The following GSE1 variants were observed in gnomAD, a reference collection of about 807,000 sequenced individuals.
GSE1 encodes Gse1 coiled-coil protein.
GSE1 carries 32 observed loss-of-function variants against 112.6 expected under a neutral mutation model. That is an observed-to-expected ratio of 0.28 (90% CI 0.21 to 0.38). The LOEUF (loss-of-function observed/expected upper bound fraction) is 0.38, where lower values mean the gene tolerates loss of function less well. Among genes scored for constraint, GSE1 ranks in the 10% least tolerant of loss-of-function variants. The probability of loss-of-function intolerance (pLI) is 1.00; values close to 1 mark genes in which losing one functional copy is unlikely to be tolerated. For missense variants in GSE1, 2,348 were observed against 1,699.2 expected (o/e 1.38, Z -6.71); for synonymous variants, 1,115 against 735.6 (o/e 1.52, Z -8.35).
chr16:85,528,388 T>G (rs2151175549), intron 2 of GSE1, among the ~76,000 whole-genome samples: 1 of 152,238 alleles, frequency 6.6e-6, no homozygotes, highest in Middle Eastern at 3.4e-3. Flanking sequence ...CCTAGCTCAC[T>G]AAAGCTTCAA....
At chr16:85,182,328 A>C (rs1420644614) in intron 1 of GSE1, among the ~76,000 whole-genome samples, 1 of 152,304 alleles carries the variant, frequency 6.6e-6, no homozygotes, top group East Asian at 1.9e-4. Flanking sequence ...TTGTCCAAGA[A>C]ACCAGGCAGG....
chr16:85,636,759 G>A (rs2050034142), intron 2 of GSE1, among the ~76,000 whole-genome samples: 1 of 152,144 alleles, frequency 6.6e-6, no homozygotes, highest in African/African-American at 2.4e-5. Flanking sequence ...TGCTGGAAAG[G>A]AAGCCCCCCT....
At chr16:85,613,093 C>A (rs914791452), upstream of GSE1, 54 of 810,694 alleles carry the variant, frequency 6.7e-5, no homozygotes, top group Non-Finnish European at 7.7e-5. Flanking sequence ...TCCGGGCGCC[C>A]GTCGGTGCGC....
chr16:85,325,894 G>T (rs542670515), intron 1 of GSE1, among the ~76,000 whole-genome samples: 5 of 151,730 alleles, frequency 3.3e-5, no homozygotes, highest in East Asian at 1.9e-4. Context: ...GATTACAGGC[G>T]CATGCCATCG....
At chr16:85,370,348 C>T (rs951459641) in intron 2 of GSE1, among the ~76,000 whole-genome samples, 18 of 152,184 alleles carry the variant, frequency 1.2e-4, no homozygotes, top group Admixed American at 2.6e-4. Context: ...CTGCCTGCCC[C>T]TCAAGCAGCT....
At chr16:85,301,073 C>T (rs1018252180) in intron 1 of GSE1, among the ~76,000 whole-genome samples, 4 of 152,206 alleles carry the variant, frequency 2.6e-5, no homozygotes, top group Admixed American at 1.3e-4. Context: ...CACCTACCGG[C>T]TCTCTAAAGT....
intron 2 of GSE1, among the ~76,000 whole-genome samples, chr16:85,437,527 T>C (rs2049277910): frequency 6.6e-6 from 1 of 151,722 alleles, no homozygotes; most frequent in Non-Finnish European, 1.5e-5. Context: ...GGGAGCTACG[T>C]GTTTGCACAG....
chr16:85,521,313 C>T (rs918717254), intron 2 of GSE1, among the ~76,000 whole-genome samples: 1 of 152,220 alleles, frequency 6.6e-6, no homozygotes, highest in Non-Finnish European at 1.5e-5. Context: ...TCACCTCGCG[C>T]TCACCTTTGT....
chr16:85,618,864 G>A (rs995125218), intron 1 of GSE1, among the ~76,000 whole-genome samples: 9 of 152,214 alleles, frequency 5.9e-5, no homozygotes, highest in Admixed American at 5.9e-4. Flanking sequence ...GTCTCTCACT[G>A]TGTTGCCCAG....
intron 2 of GSE1, among the ~76,000 whole-genome samples, chr16:85,438,148 T>A (rs1034932312): frequency 1.3e-5 from 2 of 152,040 alleles, no homozygotes; most frequent in Non-Finnish European, 2.9e-5. Context: ...CGTCTCTGCC[T>A]CCCCCGTCAG....
At chr16:85,315,693 A>G (rs1198612062) in intron 1 of GSE1, among the ~76,000 whole-genome samples, 1 of 152,196 alleles carries the variant, frequency 6.6e-6, no homozygotes, top group African/African-American at 2.4e-5. Flanking sequence ...TTTCAGATAA[A>G]CAACGAACAC....
At chr16:85,653,469 C>T (rs531627280) in intron 3 of GSE1, among the ~76,000 whole-genome samples, 24 of 150,844 alleles carry the variant, frequency 1.6e-4, no homozygotes, top group East Asian at 2.0e-4. Flanking sequence ...GACCTCAGCC[C>T]GGAAGGTGGG....
intron 1 of GSE1, among the ~76,000 whole-genome samples, chr16:85,304,609 T>TGGGGGGGGGGGGGGGGGGGGGGGG (rs34644508): frequency 9.0e-6 from 1 of 110,940 alleles, no homozygotes; most frequent in Non-Finnish European, 1.8e-5. Flanking sequence ...GGCGGGGGGG[T>TGGGGGGGGGGGGGGGGGGGGGGGG]GGGGCATCCC....
Position 85,231,316 on chromosome 16 carries a change from CAGAT to C in GSE1, c.2283+59513_2283+59516del, listed in dbSNP as rs562541258. ...ATGGGTGGATGGATGGACGGAAGGA[CAGAT>C]AGAAGGACAGATGGATGGATGGACA... On this transcript the variant is annotated intron_variant, in intron 1 of 2. Transcript: ENST00000637419. Among the ~76,000 whole-genome samples the C allele has an allele frequency of 1.3e-3, 150 of 117,354 alleles. 1 individual carries two copies. Among genetic ancestry groups the C allele is most frequent in the African/African-American group, 4.7e-3 (139 of 29,692 alleles). The allele number at this position is 117,354 out of a possible 152,430, so 77.0% of individuals were successfully genotyped here.
chr16:85,310,983 G>T (rs924024690), intron 1 of GSE1, among the ~76,000 whole-genome samples: 2 of 152,248 alleles, frequency 1.3e-5, no homozygotes, highest in Admixed American at 6.5e-5. Context: ...TCAGCAACCG[G>T]CAGGCAGGAG....
intron 1 of GSE1, among the ~76,000 whole-genome samples, chr16:85,203,222 G>T (rs1204878995): frequency 2.0e-5 from 3 of 152,104 alleles, no homozygotes; most frequent in Non-Finnish European, 4.4e-5. Flanking sequence ...CTCAGCATGC[G>T]TTTGCGATGG....
At chr16:85,638,490 G>C (rs1031632155) in intron 2 of GSE1, among the ~76,000 whole-genome samples, 1 of 152,196 alleles carries the variant, frequency 6.6e-6, no homozygotes, top group Non-Finnish European at 1.5e-5. Context: ...CTTCCTTGCT[G>C]TGTGATCCGG....
intron 2 of GSE1, among the ~76,000 whole-genome samples, chr16:85,483,890 C>G (rs1485765974): frequency 1.3e-5 from 2 of 152,214 alleles, no homozygotes. Flanking sequence ...GCCTCTGGGC[C>G]CTGCCCGTCA....
At chr16:85,500,998 G>GTTTTTTTTTT (rs55650214) in intron 2 of GSE1, among the ~76,000 whole-genome samples, 14 of 64,836 alleles carry the variant, frequency 2.2e-4, no homozygotes, top group African/African-American at 4.0e-4. Context: ...GGCCTGTTCT[G>GTTTTTTTTTT]TTTTTTTTTT....
Sources: gnomAD v4.1 joint callset for allele counts (sites outside exome capture counted in the v4.1 genomes callset) on GRCh38, gnomAD v4.1.1 for gene constraint, MANE v1.5 for transcripts, NCBI Gene and HGNC (gene_info 2026-07-23, HGNC 2026-07-21) for gene names.